PTGER3: variants seen among roughly 807,000 people sequenced by gnomAD.
The protein encoded by PTGER3 is prostaglandin E receptor 3, also known as prostaglandin E2 receptor EP3 subtype.
In PTGER3, 22 loss-of-function variants were observed where a neutral mutation model predicts 34.7. That is an observed-to-expected ratio of 0.63 (90% CI 0.45 to 0.91). The LOEUF is 0.91. PTGER3 is among the 40% of genes least tolerant of loss of function. PTGER3 has a pLI of 0.00. For missense variants in PTGER3, 468 were observed against 519.4 expected, an observed-to-expected ratio of 0.90 and a Z score of 0.96; for synonymous variants, 241 against 230.1, an observed-to-expected ratio of 1.05 and a Z score of -0.43.
At chr1:70,898,025 GAGTGGGTAA>G (rs1442565617) in intron 4 of PTGER3, among the ~76,000 whole-genome samples, 1 of 152,088 alleles carries the variant, frequency 6.6e-6, no homozygotes, top group Non-Finnish European at 1.5e-5. Context: ...GAGGGTTGGG[GAGTGGGTAA>G]TTGGAAAGAA....
intron 2 of PTGER3, chr1:71,005,795 T>C: frequency 1.1e-6 from 1 of 905,816 alleles, no homozygotes; most frequent in East Asian, 1.2e-4. Flanking sequence ...TCTCACCCCA[T>C]GGCCTGTAGG....
intron 1 of PTGER3, among the ~76,000 whole-genome samples, chr1:71,017,168 G>A (rs1160102488): frequency 3.3e-5 from 5 of 152,004 alleles, no homozygotes; most frequent in Non-Finnish European, 5.9e-5. Context: ...GATTACCTGC[G>A]TGGACCCAAT....
At chr1:71,012,566 G>T in intron 1 of PTGER3, 82 bp from the exon 2 acceptor site, 1 of 1,244,254 alleles carries the variant, frequency 8.0e-7, no homozygotes, top group Non-Finnish European at 1.1e-6. Flanking sequence ...GCACATAGTT[G>T]GTTTTCAATA....
chr1:71,033,791 G>T (rs911078714), intron 1 of PTGER3, among the ~76,000 whole-genome samples: 14 of 151,972 alleles, frequency 9.2e-5, no homozygotes, highest in African/African-American at 2.7e-4. Context: ...CGTCATTGTA[G>T]CACTACCTTA....
intron 1 of PTGER3, among the ~76,000 whole-genome samples, chr1:71,032,449 GTAT>G (rs1240643020): frequency 6.6e-6 from 1 of 152,190 alleles, no homozygotes; most frequent in Non-Finnish European, 1.5e-5. Flanking sequence ...GTAAAATATT[GTAT>G]TATTATAAAA....
chr1:70,981,231 A>G (rs911832479), intron 2 of PTGER3, among the ~76,000 whole-genome samples: 1 of 150,848 alleles, frequency 6.6e-6, no homozygotes, highest in Non-Finnish European at 1.5e-5. Flanking sequence ...AAGCCATACT[A>G]TTGTTTCTTT....
intron 2 of PTGER3, 161 bp downstream of exon 2, chr1:71,012,144 C>G: frequency 6.5e-7 from 1 of 1,530,432 alleles, no homozygotes; most frequent in Non-Finnish European, 8.7e-7. Flanking sequence ...GCCAGAGATG[C>G]CTAAATTCAC....
downstream of PTGER3, chr1:70,952,334 A>G: frequency 1.2e-6 from 1 of 852,038 alleles, no homozygotes; most frequent in Non-Finnish European, 1.4e-6. Context: ...TGCCTTCCTT[A>G]AAGCCCCTTC....
At chr1:71,007,628 C>T in intron 2 of PTGER3, 1 of 985,368 alleles carries the variant, frequency 1.0e-6, no homozygotes, top group Non-Finnish European at 1.2e-6. Flanking sequence ...CATGAGTATC[C>T]TTTCAAAAGT....
chr1:70,944,351 A>G (rs543533594), intron 4 of PTGER3, among the ~76,000 whole-genome samples: 2 of 152,264 alleles, frequency 1.3e-5, no homozygotes, highest in African/African-American at 4.8e-5. Flanking sequence ...TTTCTCAAAT[A>G]GTAAAGACAA....
chr1:70,858,443 T>C (rs1290121802), intron 4 of PTGER3, among the ~76,000 whole-genome samples: 2 of 152,186 alleles, frequency 1.3e-5, no homozygotes, highest in African/African-American at 4.8e-5. Context: ...ATAGTTTTCC[T>C]ATTATTAATA....
chr1:70,879,971 C>A (rs1572532308), intron 4 of PTGER3, among the ~76,000 whole-genome samples: 1 of 151,794 alleles, frequency 6.6e-6, no homozygotes, highest in African/African-American at 2.4e-5. Flanking sequence ...TGCGTACCTG[C>A]AGTCCCAGCT....
At position 70,987,159 on chromosome 1, in the gene PTGER3, T is replaced by A. The variant is rs185133013; in HGVS notation, c.1078-12771A>T. Among the ~76,000 whole-genome samples, 149 of 152,320 alleles carry A rather than the reference T, an allele frequency of 9.8e-4. 1 individual carries two copies. The highest frequency in any genetic ancestry group is 2.9e-3 in the African/African-American group (122 of 41,560). On this transcript the variant is annotated intron_variant, in intron 2 of 3. Coordinates refer to ENST00000306666, the MANE Select transcript of PTGER3 (RefSeq NM_198719.2). ...AATATGGTTATGGTTCTCCCCTTTA[T>A]AAATCTGTGAATGTGAGCCTTTTCT... is the stretch of plus-strand genomic sequence containing the variant.
downstream of PTGER3, among the ~76,000 whole-genome samples, chr1:70,948,862 ACT>A (rs1650471194): frequency 6.6e-6 from 1 of 151,568 alleles, no homozygotes; most frequent in Non-Finnish European, 1.5e-5. Context: ...TGCCAACCCT[ACT>A]CTCTCTGTGG....
intron 1 of PTGER3, among the ~76,000 whole-genome samples, chr1:71,046,285 C>CAAAAA (rs34411077): frequency 3.7e-5 from 3 of 81,142 alleles, no homozygotes; most frequent in African/African-American, 1.0e-4. Context: ...GACTCCGTCT[C>CAAAAA]AAAAAAAAAA....
In PTGER3 at chr1:70,971,081, T is replaced by A; in HGVS notation, c.*649A>T. On this transcript the variant is annotated 3_prime_UTR_variant, in exon 4 of 4. Coordinates refer to ENST00000306666, the MANE Select transcript of PTGER3 (RefSeq NM_198719.2). ...TCCTTTGTCATCAAAAGCTTAGAAA[T>A]AACAATTAAGCAGATTCCTGAGTTA... 2 of 985,330 alleles carry A rather than the reference T, an allele frequency of 2.0e-6. No homozygotes were observed. Among genetic ancestry groups the A allele is most frequent in the Non-Finnish European group, 2.4e-6 (2 of 829,892 alleles). The allele number at this position is 985,330 out of a possible 1,614,324, so 61.0% of individuals were successfully genotyped here. A position where few individuals can be genotyped will look rare whatever the true frequency, so the allele number is the denominator to read the frequency against.
chr1:70,965,109 G>A lies in PTGER3; in HGVS notation c.1078-11320C>T, dbSNP rs183856586. 1.3e-4 allele frequency among the ~76,000 whole-genome samples: 20 copies of A among 152,274 alleles called. 1 individual carries two copies. The East Asian group carries it at 3.5e-3, about 26-fold the overall frequency. ...ATGTAGATAGAACAGCATATGAAAAGCACAGAGATGTGAGAGAGCAGGTAG... is the reference window on the plus strand; with the variant it reads ...ATGTAGATAGAACAGCATATGAAAAACACAGAGATGTGAGAGAGCAGGTAG... On this transcript the variant is annotated intron_variant, in intron 2 of 3. Coordinates refer to the PTGER3 transcript ENST00000356595.
chr1:70,953,065 C>T, intron 3 of PTGER3: 1 of 1,568,504 alleles, frequency 6.4e-7, no homozygotes, highest in Non-Finnish European at 8.6e-7. Flanking sequence ...ATTAACTAAC[C>T]ACAGATCAAA....
At chr1:70,933,351 T>C (rs1209859373) in intron 4 of PTGER3, among the ~76,000 whole-genome samples, 1 of 152,190 alleles carries the variant, frequency 6.6e-6, no homozygotes, top group East Asian at 1.9e-4. Flanking sequence ...CTAGATTTAA[T>C]TCCATTTCCT....
Sources: allele counts gnomAD v4.1 joint callset (sites outside exome capture counted in the v4.1 genomes callset), GRCh38; gene constraint gnomAD v4.1.1; transcripts MANE v1.5; gene names NCBI Gene and HGNC (gene_info 2026-07-23, HGNC 2026-07-21).